POU6F2: variants seen among roughly 807,000 people sequenced by gnomAD.
POU6F2 encodes the protein POU domain, class 6, transcription factor 2.
Under a neutral mutation model 71.3 loss-of-function variants are expected in POU6F2, and 31 were observed. The ratio of observed to expected loss-of-function variants is 0.43; its 90% CI spans 0.33 to 0.59. POU6F2 has a LOEUF of 0.59. Ranked by LOEUF, POU6F2 falls within the 20% of genes least tolerant of loss-of-function variation. The probability of loss-of-function intolerance (pLI) is 0.04; values close to 1 mark genes in which losing one functional copy is unlikely to be tolerated. For missense variants in POU6F2, 783 were observed against 856.8 expected (o/e 0.91, Z 1.07); for synonymous variants, 347 against 355.7 (o/e 0.98, Z 0.27).
chr7:39,017,450 TC>T (rs1789583397), intron 1 of POU6F2, among the ~76,000 whole-genome samples: 1 of 152,184 alleles, frequency 6.6e-6, no homozygotes, highest in Non-Finnish European at 1.5e-5. Flanking sequence ...CTAACTGTTC[TC>T]CTTTGTTTGC....
chr7:39,430,640 C>T (rs532413494), intron 6 of POU6F2, among the ~76,000 whole-genome samples: 5 of 152,284 alleles, frequency 3.3e-5, no homozygotes, highest in Middle Eastern at 6.8e-3. Context: ...TCAATCTTCC[C>T]GGGACAGAAC....
chr7:39,274,165 A>G (rs550541887), intron 4 of POU6F2, among the ~76,000 whole-genome samples: 1 of 152,326 alleles, frequency 6.6e-6, no homozygotes, highest in East Asian at 1.9e-4. Context: ...AGACTAATAA[A>G]GAAAAAAAGA....
chr7:39,142,974 TTGTA>T (rs1439124936), intron 2 of POU6F2, among the ~76,000 whole-genome samples: 4 of 152,230 alleles, frequency 2.6e-5, no homozygotes, highest in African/African-American at 9.6e-5. Flanking sequence ...TATGAAATTG[TTGTA>T]TGTATCATCT....
At position 39,254,907 on chromosome 7, in the gene POU6F2, T is replaced by C. The variant is rs139439601; in HGVS notation, c.598+47287T>C. On this transcript the variant is annotated intron_variant, in intron 4 of 9. Coordinates refer to ENST00000518318, the MANE Select transcript of POU6F2 (RefSeq NM_001370959.1). ...CGTACACAACACAAGTGTTTCCAGA[T>C]CTTCTTGTGATTCTACTGAACTCAC... Among the ~76,000 whole-genome samples the C allele has an allele frequency of 2.4e-3, 360 of 152,324 alleles. 3 individuals are homozygous for C. Among genetic ancestry groups the C allele is most frequent in the African/African-American group, 8.5e-3 (353 of 41,562 alleles).
intron 5 of POU6F2, among the ~76,000 whole-genome samples, chr7:39,381,989 T>G (rs978497349): frequency 6.6e-6 from 1 of 152,076 alleles, no homozygotes; most frequent in Non-Finnish European, 1.5e-5. Context: ...CTGTTAGAAA[T>G]TCCTCTGTCC....
chr7:39,002,469 T>C (rs1159175071), intron 1 of POU6F2, among the ~76,000 whole-genome samples: 3 of 152,178 alleles, frequency 2.0e-5, no homozygotes, highest in Non-Finnish European at 2.9e-5. Flanking sequence ...TGCCTCAGCC[T>C]CCCAAGGGGC....
At chr7:39,043,662 C>G (rs1478352978) in intron 1 of POU6F2, among the ~76,000 whole-genome samples, 1 of 151,980 alleles carries the variant, frequency 6.6e-6, no homozygotes, top group Non-Finnish European at 1.5e-5. Flanking sequence ...AATGCCCACA[C>G]AGATTCCTCA....
At chr7:39,228,946 G>A (rs931531611) in intron 4 of POU6F2, among the ~76,000 whole-genome samples, 1 of 152,144 alleles carries the variant, frequency 6.6e-6, no homozygotes, top group African/African-American at 2.4e-5. Flanking sequence ...ACACTCTGGG[G>A]ACCAGGCTTA....
chr7:39,175,554 CATTTTA>C (rs1398122923), intron 2 of POU6F2, among the ~76,000 whole-genome samples: 1 of 152,102 alleles, frequency 6.6e-6, no homozygotes, highest in African/African-American at 2.4e-5. Context: ...CCCCTGAAAA[CATTTTA>C]ATTTTGTTTA....
At position 39,406,654 on chromosome 7, in the gene POU6F2, T is replaced by C; in HGVS notation, c.1027T>C (p.Ser343Pro). The change falls in exon 6 of 10, where the codon TCC (serine) becomes CCC (proline). Residue 343 changes from serine (S) to proline (P), a missense_variant. By Grantham distance (74) the Ser-to-Pro change is moderately conservative (BLOSUM62 -1). This residue lies in a region of POU6F2 where 572 missense variants were observed against 572.9 expected (regional missense o/e 1.00). Coordinates refer to ENST00000518318, the MANE Select transcript of POU6F2 (RefSeq NM_001370959.1). ...TGCAGCGGCTGCAGCAGCCATGAGC[T>C]CCATAGCAAGCTCACAGGCCTTTGG... ...QAAAAAAAMS[S>P]IASSQAFGNA... is the part of the protein sequence containing the mutation. The C allele has an allele frequency of 6.2e-7, 1 of 1,613,716 alleles. No homozygotes were observed. The highest frequency in any genetic ancestry group is 1.1e-5 in the South Asian group (1 of 91,070).
intron 5 of POU6F2, among the ~76,000 whole-genome samples, chr7:39,402,736 A>G (rs1028578132): frequency 1.3e-5 from 2 of 152,182 alleles, no homozygotes; most frequent in Non-Finnish European, 2.9e-5. Context: ...TCTCTACTCT[A>G]AAATACTTTT....
chr7:39,032,856 T>TC (rs1346109296), intron 1 of POU6F2, among the ~76,000 whole-genome samples: 1 of 152,166 alleles, frequency 6.6e-6, no homozygotes, highest in Admixed American at 6.5e-5. Flanking sequence ...GTCGGTCCAC[T>TC]CCTAGGCTTG....
intron 1 of POU6F2, among the ~76,000 whole-genome samples, chr7:39,067,644 T>C (rs911818818): frequency 4.6e-5 from 7 of 152,154 alleles, no homozygotes; most frequent in Admixed American, 1.3e-4. Context: ...ATCAAGTATG[T>C]ATTTATAGCC....
chr7:39,165,852 C>T (rs1257835297), intron 2 of POU6F2, among the ~76,000 whole-genome samples: 1 of 152,212 alleles, frequency 6.6e-6, no homozygotes, highest in East Asian at 1.9e-4. Context: ...AAATTAGGAA[C>T]TGACCAGCCA....
intron 1 of POU6F2, among the ~76,000 whole-genome samples, chr7:39,053,837 T>G (rs1023513354): frequency 3.3e-5 from 5 of 152,064 alleles, no homozygotes; most frequent in Admixed American, 6.6e-5. Flanking sequence ...CCACGGTGGC[T>G]TATGGATGTA....
intron 4 of POU6F2, among the ~76,000 whole-genome samples, chr7:39,291,940 C>G (rs1199030872): frequency 1.3e-5 from 2 of 148,638 alleles, no homozygotes; most frequent in Admixed American, 6.8e-5. Flanking sequence ...TTACTATTCC[C>G]TTTACCTTTT....
At chr7:39,333,462 G>A (rs546708715) in intron 4 of POU6F2, among the ~76,000 whole-genome samples, 4 of 152,118 alleles carry the variant, frequency 2.6e-5, no homozygotes, top group South Asian at 2.1e-4. Context: ...TCTCAGGCCG[G>A]GCGTGGTGGC....
chr7:39,435,139 G>A (rs1205968155), intron 7 of POU6F2, among the ~76,000 whole-genome samples: 4 of 152,092 alleles, frequency 2.6e-5, no homozygotes, highest in African/African-American at 9.7e-5. Context: ...ATTATTTTGG[G>A]TATATACCCA....
At chr7:39,322,946 T>G in intron 4 of POU6F2, among the ~76,000 whole-genome samples, 1 of 152,184 alleles carries the variant, frequency 6.6e-6, no homozygotes, top group East Asian at 1.9e-4. Context: ...GTATCTCTAC[T>G]TTTGTGAACT....
Sources: allele counts gnomAD v4.1 joint callset (sites outside exome capture counted in the v4.1 genomes callset), GRCh38; gene constraint gnomAD v4.1.1; regional missense constraint gnomAD v4.1.1; transcripts MANE v1.5; gene names NCBI Gene and HGNC (gene_info 2026-07-23, HGNC 2026-07-21).